Variants in IGSF3 observed in about 807,000 individuals in gnomAD.
The protein encoded by IGSF3 is glu-Trp-Ile EWI motif-containing protein 3.
In IGSF3, 23 loss-of-function variants were observed where a neutral mutation model predicts 114.4. The observed-to-expected ratio is 0.20, with a 90% CI of 0.14 to 0.28. The LOEUF is 0.28. Among genes scored for constraint, IGSF3 ranks in the 10% least tolerant of loss-of-function variants. IGSF3 has a pLI of 1.00. For missense variants in IGSF3, 1,172 were observed against 1,591.5 expected (o/e 0.74, Z 4.48); for synonymous variants, 571 against 645.2 (o/e 0.88, Z 1.74).
rs1292107893 is a variant in IGSF3, at chr1:116,618,347, A to G, written c.44-1890T>C. ...ACCATGAGGACAACTCATTAGTAAT[A>G]TCAGTATGTTAAAATATGATGCATA... On this transcript the variant is annotated intron_variant, in intron 2 of 10. Coordinates refer to ENST00000369486, the MANE Select transcript of IGSF3 (RefSeq NM_001007237.3). This position sits in a 1 kb window ranked among gnomAD's most constrained non-coding sequence, Gnocchi z 4.7. Among the ~76,000 whole-genome samples the G allele has an allele frequency of 3.3e-5, 5 of 152,248 alleles. No individual in the cohort carries two copies. Among genetic ancestry groups the G allele is most frequent in the Non-Finnish European group, 7.3e-5 (5 of 68,042 alleles).
rs1205707472 is a variant in IGSF3 at position 116,600,811 on chromosome 1, G to C, written c.1625-466C>G. Among the ~76,000 whole-genome samples the C allele has an allele frequency of 6.6e-6, 1 of 152,156 alleles. No homozygotes were observed. The highest frequency in any genetic ancestry group is 1.5e-5 in the Non-Finnish European group (1 of 68,016). On this transcript the variant is annotated intron_variant, in intron 6 of 10. Coordinates refer to ENST00000369486, the MANE Select transcript of IGSF3 (RefSeq NM_001007237.3). The surrounding 1 kb of genome is among the most constrained non-coding windows in gnomAD (Gnocchi z 5.5). ...TCCCTTAGCGCACTGGTGCCGAGAA[G>C]GGAAGCAGATGGAGTCGGCCTCCAG... is the stretch of plus-strand genomic sequence containing the variant.
rs538886924 is a variant in IGSF3, at chr1:116,612,805, T to G, written c.832+960A>C. Among the ~76,000 whole-genome samples, 2 of 152,302 alleles carry G rather than the reference T, an allele frequency of 1.3e-5. No homozygotes were observed. The highest frequency in any genetic ancestry group is 4.1e-4 in the South Asian group (2 of 4,830). On this transcript the variant is annotated intron_variant, in intron 4 of 10. Coordinates refer to ENST00000369486, the MANE Select transcript of IGSF3 (RefSeq NM_001007237.3). The surrounding 1 kb of genome is among the most constrained non-coding windows in gnomAD (Gnocchi z 4.1). ...ACAACAACCATGCTCCAACCAAAGCTGGGGGATCTGAAGGCCCATGTGAGA... is the reference window on the plus strand; with the variant it reads ...ACAACAACCATGCTCCAACCAAAGCGGGGGGATCTGAAGGCCCATGTGAGA...
At position 116,657,620 on chromosome 1, in the gene IGSF3, G is replaced by A. The variant is rs985311713; in HGVS notation, c.43+8664C>T. ...GAAACCAAAGATTTCAAAATACGGA[G>A]CTCCTGGGGGAAGGAGAGTTAATAA... On this transcript the variant is annotated intron_variant, in intron 2 of 10. Coordinates refer to ENST00000369486, the MANE Select transcript of IGSF3 (RefSeq NM_001007237.3). This position sits in a 1 kb window ranked among gnomAD's most constrained non-coding sequence, Gnocchi z 4.2. 1.3e-4 allele frequency among the ~76,000 whole-genome samples: 20 copies of A among 152,198 alleles called. No homozygotes were observed. Among genetic ancestry groups the A allele is most frequent in the Admixed American group, 3.9e-4 (6 of 15,280 alleles).
At chr1:116,623,987 T>G (rs1236505559) in intron 2 of IGSF3, among the ~76,000 whole-genome samples, 1 of 150,822 alleles carries the variant, frequency 6.6e-6, no homozygotes, top group Non-Finnish European at 1.5e-5. Flanking sequence ...CTCCGGAGGC[T>G]GAGGCAGGAG....
rs1647693012 is a variant in IGSF3, at chr1:116,633,598, G to T, written c.44-17141C>A. Among the ~76,000 whole-genome samples the T allele has an allele frequency of 6.6e-6, 1 of 152,110 alleles. No homozygotes were observed. The highest frequency in any genetic ancestry group is 2.4e-5 in the African/African-American group (1 of 41,388). On this transcript the variant is annotated intron_variant, in intron 2 of 10. Transcript: ENST00000369486. The surrounding 1 kb of genome is among the most constrained non-coding windows in gnomAD (Gnocchi z 4.3). ...GAACAAAAAATTTCACAATCATGGG[G>T]ACCTCTTCTTTCAGCTTTGGAGCCC...
chr1:116,601,661 A>G (rs1660595192), intron 6 of IGSF3, among the ~76,000 whole-genome samples: 1 of 152,356 alleles, frequency 6.6e-6, no homozygotes, highest in African/African-American at 2.4e-5. Context: ...TAAGTTGGCA[A>G]ATAGGTAGGT....
chr1:116,639,023 T>C (rs1177223815), intron 2 of IGSF3, among the ~76,000 whole-genome samples: 2 of 152,224 alleles, frequency 1.3e-5, no homozygotes, highest in Non-Finnish European at 2.9e-5. Flanking sequence ...CCAGGTGCTA[T>C]GGAAGGGTGG....
In IGSF3 at chr1:116,579,282, C is replaced by A. The variant is rs1001934621; in HGVS notation, c.3334+110G>T. ...TATCTCAAATCCTACTAATAAATGC[C>A]CATGACAGTTAAGAAAACTGTTTAT... On this transcript the variant is annotated intron_variant, in intron 10 of 10. Transcript: ENST00000369486. The surrounding 1 kb of genome is among the most constrained non-coding windows in gnomAD (Gnocchi z 6.4). 7.3e-7 allele frequency: 1 copy of A among 1,361,810 alleles called. No individual in the cohort carries two copies. Among genetic ancestry groups the A allele is most frequent in the Non-Finnish European group, 1.0e-6 (1 of 1,000,260 alleles). 84.4% of individuals were successfully genotyped at this position (1,361,810 alleles called of 1,614,324 possible).
chr1:116,606,240 A>C (rs1191358292), intron 5 of IGSF3, among the ~76,000 whole-genome samples: 1 of 152,250 alleles, frequency 6.6e-6, no homozygotes, highest in Non-Finnish European at 1.5e-5. Context: ...TTAGAAGCAA[A>C]TATTTCCTAA....
rs1233679735 is a variant in IGSF3, at chr1:116,579,681, C to G, written c.3045G>C (p.Glu1015Asp). 1.2e-6 allele frequency: 2 copies of G among 1,613,844 alleles called. No homozygotes were observed. Among genetic ancestry groups the G allele is most frequent in the Middle Eastern group, 1.7e-4 (1 of 6,060 alleles). Residue 1015 changes from glutamate (E) to aspartate (D), a missense_variant, in exon 10 of 11, where the codon GAG becomes GAC. Physicochemically the swap from Glu to Asp is conservative, Grantham distance 45 (BLOSUM62 2). Transcript: ENST00000369486. The surrounding 1 kb of genome is among the most constrained non-coding windows in gnomAD (Gnocchi z 6.4). ...CGTCGTCGTCGTCCTCCTCCTCCTC[C>G]TCCTCCCTTTCCTCTTCCTGTTCTT... ...GLEEQEEERE[E>D]EEEEDDDDDD...
chr1:116,580,531 T>TAAG (rs571229739), intron 9 of IGSF3, among the ~76,000 whole-genome samples: 1 of 152,176 alleles, frequency 6.6e-6, no homozygotes, highest in East Asian at 1.9e-4. Context: ...TGGTGTCTTA[T>TAAG]AAGAAGAAGA....
rs77526704 is a variant in IGSF3 at position 116,583,299 on chromosome 1, C to G, written c.2848+1346G>C. 0.014 allele frequency among the ~76,000 whole-genome samples: 2,173 copies of G among 152,310 alleles called. 42 individuals carry two copies. Among genetic ancestry groups the G allele is most frequent in the African/African-American group, 0.05 (2,062 of 41,542 alleles). ...ACTCAGCTGCCATTCTCTACAATTT[C>G]ACCTTCGGGAAAAGACATGCAGCCA... On this transcript the variant is annotated intron_variant, in intron 9 of 10. Coordinates refer to ENST00000369486, the MANE Select transcript of IGSF3 (RefSeq NM_001007237.3). This position sits in a 1 kb window ranked among gnomAD's most constrained non-coding sequence, Gnocchi z 4.5.
In IGSF3 at chr1:116,655,965, T is replaced by G. The variant is rs1172991471; in HGVS notation, c.43+10319A>C. On this transcript the variant is annotated intron_variant, in intron 2 of 10. Transcript: ENST00000369486. This position sits in a 1 kb window ranked among gnomAD's most constrained non-coding sequence, Gnocchi z 4.3. Reference sequence around the variant, plus strand: ...CTTGCTCTCCTGATACAGCAAAATTTATTGTTATATAGTTATTGAAGGAGG... The same window carrying G: ...CTTGCTCTCCTGATACAGCAAAATTGATTGTTATATAGTTATTGAAGGAGG... Among the ~76,000 whole-genome samples the G allele has an allele frequency of 1.2e-4, 18 of 152,316 alleles. No individual in the cohort carries two copies. Among genetic ancestry groups the G allele is most frequent in the Non-Finnish European group, 4.4e-5 (3 of 68,026 alleles).
In IGSF3 at chr1:116,603,614, G is replaced by A. The variant is rs768537805; in HGVS notation, c.1624+10C>T. The A allele has an allele frequency of 1.2e-5, 20 of 1,609,602 alleles. No homozygotes were observed. Among genetic ancestry groups the A allele is most frequent in the South Asian group, 8.8e-5 (8 of 90,702 alleles). ...TGCCAGACCCACTGCCAGTCCCACC[G>A]CTCACTCACCAAGAGCTGTGATGGA... On this transcript the variant is annotated intron_variant, in intron 6 of 10. Transcript: ENST00000369486. The surrounding 1 kb of genome is among the most constrained non-coding windows in gnomAD (Gnocchi z 7.1).
Position 116,607,498 on chromosome 1 carries a change from C to T in IGSF3, c.1222+444G>A, listed in dbSNP as rs1356568132. ...CCCAGATGGCAAATCCTTAATAATG[C>T]ACTTTATGATTTAAAATCCTCCCAT... On this transcript the variant is annotated intron_variant, in intron 5 of 10. Coordinates refer to ENST00000369486, the MANE Select transcript of IGSF3 (RefSeq NM_001007237.3). This position sits in a 1 kb window ranked among gnomAD's most constrained non-coding sequence, Gnocchi z 6.1. Among the ~76,000 whole-genome samples, 2 of 152,216 alleles carry T rather than the reference C, an allele frequency of 1.3e-5. No individual in the cohort carries two copies. Among genetic ancestry groups the T allele is most frequent in the Non-Finnish European group, 2.9e-5 (2 of 68,046 alleles).
At position 116,599,938 on chromosome 1, in the gene IGSF3, C is replaced by T. The variant is rs1410463582; in HGVS notation, c.2029+3G>A. Reference sequence around the variant, plus strand: ...ACATAGCCCACAGGTCCGCAGCACTCACCTGGCTGCAGCACCCTGATCTCC... The same window carrying T: ...ACATAGCCCACAGGTCCGCAGCACTTACCTGGCTGCAGCACCCTGATCTCC... On this transcript the variant is annotated splice_donor_region_variant and intron_variant, in intron 7 of 10. Transcript: ENST00000369486. 3 of 1,608,580 alleles carry T rather than the reference C, an allele frequency of 1.9e-6. No homozygotes were observed. In the African/African-American group the frequency reaches 4.0e-5, roughly 21 times the overall value.
rs1274095512 is a variant in IGSF3, at chr1:116,608,350, A to C, written c.833-19T>G. ...TCTTTGTCTGAGAGAACAAGTAAGAAAAGAGACACATCCTGGGTGAATGAG... is the reference window on the plus strand; with the variant it reads ...TCTTTGTCTGAGAGAACAAGTAAGACAAGAGACACATCCTGGGTGAATGAG... On this transcript the variant is annotated intron_variant, in intron 4 of 10. Coordinates refer to ENST00000369486, the MANE Select transcript of IGSF3 (RefSeq NM_001007237.3). The C allele has an allele frequency of 2.5e-6, 4 of 1,603,806 alleles. No homozygotes were observed. Among genetic ancestry groups the C allele is most frequent in the Non-Finnish European group, 3.4e-6 (4 of 1,173,428 alleles).
At position 116,616,239 on chromosome 1, in the gene IGSF3, C is replaced by T. The variant is rs543022908; in HGVS notation, c.262G>A (p.Val88Ile). 25 of 1,613,118 alleles carry T rather than the reference C, an allele frequency of 1.5e-5. No individual in the cohort carries two copies. Among genetic ancestry groups the T allele is most frequent in the Admixed American group, 5.0e-5 (3 of 60,004 alleles). The change falls in exon 3 of 11, where the codon GTC becomes ATC. Residue 88 changes from valine (V) to isoleucine (I), a missense_variant. By Grantham distance (29) the Val-to-Ile change is conservative (BLOSUM62 3). Coordinates refer to ENST00000369486, the MANE Select transcript of IGSF3 (RefSeq NM_001007237.3). The surrounding 1 kb of genome is among the most constrained non-coding windows in gnomAD (Gnocchi z 6.6). ...TCTATGAAGATCTTCCCTCCGCGGA[C>T]GCGCTGGGTGTAGATGGCATAGGGG... The part of the protein sequence containing the change: ...SFPYAIYTQR[V>I]RGGKIFIERV...
At chr1:116,622,207 C>T (rs76587353) in intron 2 of IGSF3, among the ~76,000 whole-genome samples, 4 of 152,274 alleles carry the variant, frequency 2.6e-5, no homozygotes, top group South Asian at 2.1e-4. Context: ...ATTCTGCATG[C>T]GACTCAGCCA....
Sources: allele counts gnomAD v4.1 joint callset (sites outside exome capture counted in the v4.1 genomes callset), GRCh38; gene constraint gnomAD v4.1.1; non-coding constraint Gnocchi (gnomAD v3.1); transcripts MANE v1.5; gene names NCBI Gene and HGNC (gene_info 2026-07-23, HGNC 2026-07-21).